FBXW7: variants seen among roughly 807,000 people sequenced by gnomAD.
FBXW7 encodes F-box and WD repeat domain containing 7.
FBXW7 carries 11 observed loss-of-function variants against 86.3 expected under a neutral mutation model. The observed-to-expected ratio is 0.13, with a 90% CI of 0.08 to 0.21. FBXW7 has a LOEUF of 0.21. Ranked by LOEUF, FBXW7 falls within the 10% of genes least tolerant of loss-of-function variation. FBXW7 has a pLI of 1.00. For synonymous variants in FBXW7, 313 were observed against 297.9 expected, an observed-to-expected ratio of 1.05 and a Z score of -0.52; for missense variants, 488 against 847.4, an observed-to-expected ratio of 0.58 and a Z score of 5.27.
chr4:152,524,861 A>T (rs1419270075), intron 2 of FBXW7, among the ~76,000 whole-genome samples: 1 of 152,200 alleles, frequency 6.6e-6, no homozygotes, highest in Non-Finnish European at 1.5e-5. Flanking sequence ...CAGTAGAAAA[A>T]GGCTTCCCCA....
At chr4:152,381,997 TG>T (rs1735118986) in intron 4 of FBXW7, among the ~76,000 whole-genome samples, 1 of 152,180 alleles carries the variant, frequency 6.6e-6, no homozygotes, top group African/African-American at 2.4e-5. Context: ...AAAGGTGAAC[TG>T]GGTAACCCTA....
chr4:152,359,653 C>G (rs146873725), intron 4 of FBXW7, among the ~76,000 whole-genome samples: 11 of 151,824 alleles, frequency 7.2e-5, no homozygotes, highest in African/African-American at 2.4e-4. Context: ...ACAAAAACCA[C>G]GAAGACAGGT....
chr4:152,453,713 A>T (rs1742124341), intron 2 of FBXW7, among the ~76,000 whole-genome samples: 1 of 152,216 alleles, frequency 6.6e-6, no homozygotes, highest in South Asian at 2.1e-4. Context: ...ACATTTTTTA[A>T]ATGTTGAAAG....
chr4:152,472,535 A>T (rs564151070), intron 2 of FBXW7, among the ~76,000 whole-genome samples: 1 of 152,276 alleles, frequency 6.6e-6, no homozygotes, highest in South Asian at 2.1e-4. Flanking sequence ...GTTTGAAAAA[A>T]CTTATAAATC....
intron 4 of FBXW7, among the ~76,000 whole-genome samples, chr4:152,396,578 AAAG>A (rs758405617): frequency 1.2e-4 from 18 of 152,188 alleles, no homozygotes; most frequent in South Asian, 4.1e-4. Context: ...TCTGCCACTC[AAAG>A]AAGGAGTCCA....
chr4:152,521,876 T>C (rs769653735), intron 2 of FBXW7, among the ~76,000 whole-genome samples: 1 of 133,360 alleles, frequency 7.5e-6, no homozygotes, highest in Non-Finnish European at 1.5e-5. Flanking sequence ...TGGAGTGCAA[T>C]GGCGCGATCT....
In FBXW7 at chr4:152,322,667, A is replaced by G. The variant is rs1728650473; in HGVS notation, c.*214T>C. The G allele has an allele frequency of 1.4e-6, 1 of 734,462 alleles. No homozygotes were observed. The allele number at this position is 734,462 out of a possible 1,614,324, so 45.5% of individuals were successfully genotyped here. On this transcript the variant is annotated 3_prime_UTR_variant, in exon 14 of 14. Transcript: ENST00000281708. ...AAAGTGAAGCCTTTTATGTGATGAGACAGCAGACGCCTCTCTTGTCAGTTA... is the reference window on the plus strand; with the variant it reads ...AAAGTGAAGCCTTTTATGTGATGAGGCAGCAGACGCCTCTCTTGTCAGTTA...
At position 152,411,641 on chromosome 4, in the gene FBXW7, T is replaced by C. The variant is rs2126880946; in HGVS notation, c.163A>G (p.Arg55Gly). ...LRQQEEEHTA[R>G]NGEVVGVEPR... Reference sequence around the variant, plus strand: ...TCTACTCCAACAACTTCACCATTCCTTGCAGTGTGCTCCTCCTCTTGTTGT... The same window carrying C: ...TCTACTCCAACAACTTCACCATTCCCTGCAGTGTGCTCCTCCTCTTGTTGT... Residue 55 changes from arginine (R) to glycine (G), a missense_variant, in exon 4 of 14, where the codon AGG becomes GGG. By Grantham distance (125) the Arg-to-Gly change is moderately radical. This residue lies in a region of FBXW7 where 230 missense variants were observed against 240.0 expected (regional missense o/e 0.96). Transcript: ENST00000281708. 6.2e-7 allele frequency: 1 copy of C among 1,614,022 alleles called. No homozygotes were observed. The highest frequency in any genetic ancestry group is 1.7e-5 in the Admixed American group (1 of 60,004).
intron 4 of FBXW7, among the ~76,000 whole-genome samples, chr4:152,406,885 T>G (rs1004200746): frequency 6.6e-6 from 1 of 152,054 alleles, no homozygotes; most frequent in Non-Finnish European, 1.5e-5. Flanking sequence ...AACATATATA[T>G]AGAGATTGAC....
chr4:152,507,325 T>C (rs1314776801), intron 2 of FBXW7, among the ~76,000 whole-genome samples: 4 of 152,168 alleles, frequency 2.6e-5, no homozygotes, highest in Non-Finnish European at 4.4e-5. Flanking sequence ...TCCTATATCA[T>C]ATAATATTAG....
chr4:152,449,568 T>C (rs1560911527), intron 2 of FBXW7, among the ~76,000 whole-genome samples: 1 of 152,182 alleles, frequency 6.6e-6, no homozygotes, highest in Non-Finnish European at 1.5e-5. Context: ...AAAGGACATA[T>C]GGCTATATAG....
chr4:152,343,143 A>G (rs545572764), intron 6 of FBXW7, among the ~76,000 whole-genome samples: 3 of 152,304 alleles, frequency 2.0e-5, no homozygotes, highest in South Asian at 4.1e-4. Flanking sequence ...TGTATTTTAT[A>G]CTTATCATTT....
At chr4:152,414,528 T>TA (rs1361053370) in intron 2 of FBXW7, among the ~76,000 whole-genome samples, 1 of 152,146 alleles carries the variant, frequency 6.6e-6, no homozygotes, top group Admixed American at 6.6e-5. Flanking sequence ...ACTGTGTTGT[T>TA]ACAGTTCTGC....
intron 2 of FBXW7, among the ~76,000 whole-genome samples, chr4:152,459,643 C>G (rs1014632310): frequency 6.6e-6 from 1 of 152,142 alleles, no homozygotes; most frequent in Non-Finnish European, 1.5e-5. Context: ...GTTCCAGACC[C>G]CCCAGTGGAT....
intron 4 of FBXW7, among the ~76,000 whole-genome samples, chr4:152,396,854 TA>T (rs1736459225): frequency 6.6e-6 from 1 of 152,168 alleles, no homozygotes; most frequent in Non-Finnish European, 1.5e-5. Flanking sequence ...AGTTAGAGAA[TA>T]CTGTTTATCA....
In FBXW7 at chr4:152,536,010, GGCGGCAGCGGCA is replaced by G. The variant is rs1360600517; in HGVS notation, c.-1108_-1097del. On this transcript the variant is annotated 5_prime_UTR_variant, in exon 1 of 14. Coordinates refer to ENST00000281708, the MANE Select transcript of FBXW7 (RefSeq NM_001349798.2). ...CGCTCTCAGTCTCAGCGGCGGCGGC[GGCGGCAGCGGCA>G]GCGGCAGCGCCCGGAGCTCAGCTCG... 8.9e-6 allele frequency: 2 copies of G among 225,470 alleles called. No individual in the cohort carries two copies. The highest frequency in any genetic ancestry group is 2.4e-5 in the African/African-American group (1 of 41,478). 14.0% of individuals were successfully genotyped at this position (225,470 alleles called of 1,614,324 possible).
In FBXW7 at chr4:152,515,912, G is replaced by GGCAACATAATAACTT. The variant is rs1748443534; in HGVS notation, c.-120+19028_-120+19029insAAGTTATTATGTTGC. 9.9e-5 allele frequency among the ~76,000 whole-genome samples: 15 copies of GGCAACATAATAACTT among 151,938 alleles called. No homozygotes were observed. The South Asian group carries it at 3.1e-3, about 32-fold the overall frequency. ...TTAGTCATACACAACATAATAACTT[G>GGCAACATAATAACTT]GCCACATGGCAAGAACATGGTGGCG... On this transcript the variant is annotated intron_variant, in intron 2 of 13. Transcript: ENST00000281708.
At chr4:152,422,155 C>T (rs945606130) in intron 2 of FBXW7, among the ~76,000 whole-genome samples, 1 of 152,008 alleles carries the variant, frequency 6.6e-6, no homozygotes, top group South Asian at 2.1e-4. Context: ...TAACCTGATG[C>T]TTTATAATCT....
rs2126636579 is a variant in FBXW7 at position 152,347,066 on chromosome 4, G to C, written c.590C>G (p.Thr197Ser). The change falls in exon 6 of 14, where the codon ACT (threonine) becomes AGT (serine). Residue 197 changes from threonine to serine, a missense_variant. Around this residue, in one of 4 missense-constraint regions of FBXW7, gnomAD observed 230 missense variants for 240.0 expected, o/e 0.96. Coordinates refer to ENST00000281708, the MANE Select transcript of FBXW7 (RefSeq NM_001349798.2). ...PCKVSEYTST[T>S]GLVPCSATPT... ...TGTTGCTGAACATGGTACAAGCCCAGTGGTACTACAAAAAAAAAAAAAAGA... is the reference window on the plus strand; with the variant it reads ...TGTTGCTGAACATGGTACAAGCCCACTGGTACTACAAAAAAAAAAAAAAGA... 1.3e-6 allele frequency: 2 copies of C among 1,574,010 alleles called. No individual in the cohort carries two copies. The highest frequency in any genetic ancestry group is 1.2e-5 in the South Asian group (1 of 84,812).
Sources: gnomAD v4.1 joint callset for allele counts (sites outside exome capture counted in the v4.1 genomes callset) on GRCh38, gnomAD v4.1.1 for gene constraint, gnomAD v4.1.1 regional missense constraint, MANE v1.5 for transcripts, NCBI Gene and HGNC (gene_info 2026-07-23, HGNC 2026-07-21) for gene names.